ZBTB47: variants seen among roughly 807,000 people sequenced by gnomAD.
The protein encoded by ZBTB47 is zinc finger and BTB domain containing 47.
In ZBTB47, 24 loss-of-function variants were observed where a neutral mutation model predicts 56.6. The observed-to-expected ratio is 0.42, with a 90% CI of 0.31 to 0.60. The LOEUF (loss-of-function observed/expected upper bound fraction) is 0.60. Ranked by LOEUF, ZBTB47 falls within the 20% of genes least tolerant of loss-of-function variation. The probability of loss-of-function intolerance (pLI) is 0.14; values close to 1 mark genes in which losing one functional copy is unlikely to be tolerated. For synonymous variants in ZBTB47, 414 were observed against 418.9 expected, an observed-to-expected ratio of 0.99 and a Z score of 0.14; for missense variants, 829 against 1,032.6, an observed-to-expected ratio of 0.80 and a Z score of 2.70.
intron 5 of ZBTB47, 114 bp from the exon 6 acceptor site, chr3:42,664,123 T>G (rs1710754129): frequency 6.7e-7 from 1 of 1,493,084 alleles, no homozygotes; most frequent in Admixed American, 2.2e-5. Context: ...TCGGGGAGGA[T>G]CTGAGAGCGC....
At position 42,658,129 on chromosome 3, in the gene ZBTB47, G is replaced by T. The variant is rs553906227; in HGVS notation, c.-81-146G>T. Reference sequence around the variant, plus strand: ...TCACTCAGGCTTGAATCCCTTCCTTGCTAGTTTCGGCTCTGTTGCTGTAAA... The same window carrying T: ...TCACTCAGGCTTGAATCCCTTCCTTTCTAGTTTCGGCTCTGTTGCTGTAAA... On this transcript the variant is annotated intron_variant, in intron 1 of 5. Transcript: ENST00000232974. 72 of 848,348 alleles carry T rather than the reference G, an allele frequency of 8.5e-5. No individual in the cohort carries two copies. In the African/African-American group the frequency reaches 1.2e-3, roughly 15 times the overall value. 52.6% of individuals were successfully genotyped at this position (848,348 alleles called of 1,614,324 possible).
chr3:42,664,328 G>A lies in ZBTB47; in HGVS notation c.1974G>A (p.Lys658=). 2 of 1,613,256 alleles carry A rather than the reference G, an allele frequency of 1.2e-6. No homozygotes were observed. Among genetic ancestry groups the A allele is most frequent in the Non-Finnish European group, 1.7e-6 (2 of 1,179,738 alleles). ...KRHRRTHTGE[K]PYPCDVCGQR... ...ACCGGCGCACGCACACGGGCGAGAAGCCGTACCCGTGCGACGTGTGTGGCC... is the reference window on the plus strand; with the variant it reads ...ACCGGCGCACGCACACGGGCGAGAAACCGTACCCGTGCGACGTGTGTGGCC... The change falls in exon 6 of 6, where the codon AAG becomes AAA. Residue 658 remains lysine (K), a synonymous_variant. Transcript: ENST00000232974.
chr3:42,660,793 C>T (rs563755541), intron 2 of ZBTB47, among the ~76,000 whole-genome samples: 7 of 152,308 alleles, frequency 4.6e-5, no homozygotes, highest in African/African-American at 1.7e-4. Flanking sequence ...CTGAGTCTCC[C>T]TCCTGAAGGA....
Position 42,659,213 on chromosome 3 carries a change from G to A in ZBTB47, c.858G>A (p.Glu286=). ...AGGAGGAGGAGGACGACGAGGAGGA[G>A]GAGGAGGAAGAAGAGGAAGAGGAAG... is the stretch of plus-strand genomic sequence containing the variant. ...SDEEEEDDEE[E]EEEEEEEEGG... Residue 286 remains glutamate (E), a synonymous_variant, in exon 2 of 6, where the codon GAG becomes GAA. Transcript: ENST00000232974. 1 of 1,528,848 alleles carries A rather than the reference G, an allele frequency of 6.5e-7. No individual in the cohort carries two copies. The highest frequency in any genetic ancestry group is 8.7e-7 in the Non-Finnish European group (1 of 1,142,884). 94.7% of individuals were successfully genotyped at this position (1,528,848 alleles called of 1,614,324 possible).
chr3:42,659,198 G>C lies in ZBTB47; in HGVS notation c.843G>C (p.Glu281Asp), dbSNP rs541332438. Residue 281 changes from glutamate to aspartate, a missense_variant, in exon 2 of 6, where the codon GAG (glutamate) becomes GAC (aspartate). Physicochemically the swap from Glu to Asp is conservative, Grantham distance 45. Coordinates refer to ENST00000232974, the MANE Select transcript of ZBTB47 (RefSeq NM_145166.4). ...GLQRHSDEEE[E>D]DDEEEEEEEE... is the part of the protein sequence containing the mutation. Reference sequence around the variant, plus strand: ...AGAGACACTCGGACGAGGAGGAGGAGGACGACGAGGAGGAGGAGGAGGAAG... The same window carrying C: ...AGAGACACTCGGACGAGGAGGAGGACGACGACGAGGAGGAGGAGGAGGAAG... 7 of 1,524,532 alleles carry C rather than the reference G, an allele frequency of 4.6e-6. No homozygotes were observed. Among genetic ancestry groups the C allele is most frequent in the Middle Eastern group, 1.7e-4 (1 of 5,754 alleles). The allele number at this position is 1,524,532 out of a possible 1,614,324, so 94.4% of individuals were successfully genotyped here.
rs11458566 is a variant in ZBTB47 at position 42,664,843 on chromosome 3, C to CTTTT, written c.*256_*259dup. The CTTTT allele has an allele frequency of 2.2e-4, 65 of 299,986 alleles. No homozygotes were observed. The highest frequency in any genetic ancestry group is 1.2e-3 in the East Asian group (23 of 19,492). The allele number at this position is 299,986 out of a possible 1,614,324, so 18.6% of individuals were successfully genotyped here. On this transcript the variant is annotated 3_prime_UTR_variant, in exon 6 of 6. Coordinates refer to ENST00000232974, the MANE Select transcript of ZBTB47 (RefSeq NM_145166.4). ...TTTCTGTGACTCCTTGAAGCCTTTA[C>CTTTT]TTTTTTTTTTTTTTGGAAGTGAAGG... is the stretch of plus-strand genomic sequence containing the variant.
Position 42,659,328 on chromosome 3 carries a change from C to CAGGAAG in ZBTB47, c.984_989dup (p.Glu334_Glu335dup). 6.9e-7 allele frequency: 1 copy of CAGGAAG among 1,456,830 alleles called. No homozygotes were observed. The highest frequency in any genetic ancestry group is 9.2e-7 in the Non-Finnish European group (1 of 1,085,438). 90.2% of individuals were successfully genotyped at this position (1,456,830 alleles called of 1,614,324 possible). ...AGAGGAGGAGGACGGGCACAGTGAG[C>CAGGAAG]AGGAAGAGGAAGAGGAGGAGGAAGA... is the stretch of plus-strand genomic sequence containing the variant. On this transcript the variant is annotated inframe_insertion, in exon 2 of 6. Transcript: ENST00000232974.
At position 42,663,065 on chromosome 3, in the gene ZBTB47, C is replaced by A. The variant is rs1245487075; in HGVS notation, c.1675C>A (p.Arg559Ser). ...TCETCGKSFK[R>S]SMSLKVHSLQ... ...CGAGACCTGCGGAAAGTCCTTCAAG[C>A]GCAGCATGTCCCTCAAGGTGCACTC... Residue 559 changes from arginine (R) to serine (S), a missense_variant, in exon 4 of 6, where the codon CGC becomes AGC. This residue lies in a region of ZBTB47 where 187 missense variants were observed against 253.1 expected (regional missense o/e 0.74). Coordinates refer to ENST00000232974, the MANE Select transcript of ZBTB47 (RefSeq NM_145166.4). This position sits in a 1 kb window ranked among gnomAD's most constrained non-coding sequence, Gnocchi z 5.1. The A allele has an allele frequency of 6.2e-7, 1 of 1,613,912 alleles. No individual in the cohort carries two copies. Among genetic ancestry groups the A allele is most frequent in the Non-Finnish European group, 8.5e-7 (1 of 1,179,800 alleles).
Position 42,663,719 on chromosome 3 carries a change from C to G in ZBTB47, c.1738-78C>G. 1 of 1,561,054 alleles carries G rather than the reference C, an allele frequency of 6.4e-7. No homozygotes were observed. The highest frequency in any genetic ancestry group is 2.3e-5 in the East Asian group (1 of 43,730). ...AGTGTGTCCCTCCTTGGCCCTGTGG[C>G]CACAGGGGAGCTGTTCCCTCCACAA... On this transcript the variant is annotated intron_variant, in intron 4 of 5. Transcript: ENST00000232974. The surrounding 1 kb of genome is among the most constrained non-coding windows in gnomAD (Gnocchi z 5.1).
At position 42,666,677 on chromosome 3, in the gene ZBTB47, G is replaced by A. The variant is rs563021383; in HGVS notation, c.*2079G>A. Among the ~76,000 whole-genome samples, 1 of 152,340 alleles carries A rather than the reference G, an allele frequency of 6.6e-6. No homozygotes were observed. Among genetic ancestry groups the A allele is most frequent in the Non-Finnish European group, 1.5e-5 (1 of 68,044 alleles). On this transcript the variant is annotated 3_prime_UTR_variant, in exon 6 of 6. Coordinates refer to ENST00000232974, the MANE Select transcript of ZBTB47 (RefSeq NM_145166.4). The stretch of plus-strand genomic sequence containing the variant: ...GCCCCACTACAGCCTGAGTAGGCCT[G>A]AGTGGCCGTGGCCAGGCTGAGACCT...
chr3:42,662,395 G>C (rs931991119), intron 3 of ZBTB47, among the ~76,000 whole-genome samples: 18 of 152,216 alleles, frequency 1.2e-4, no homozygotes, highest in Non-Finnish European at 2.9e-5. Context: ...AGCATGCTGG[G>C]TAAACCAGGA....
At position 42,654,757 on chromosome 3, in the gene ZBTB47, G is replaced by A; in HGVS notation, c.-82+874G>A. On this transcript the variant is annotated intron_variant, in intron 1 of 5. Transcript: ENST00000232974. This position sits in a 1 kb window ranked among gnomAD's most constrained non-coding sequence, Gnocchi z 5.0. ...CCACCTGCCAGCTCTGACCTCCCAG[G>A]CACACGGCCCGCGGGCCCGGGTGGA... 1.0e-6 allele frequency: 1 copy of A among 981,538 alleles called. No homozygotes were observed. Among genetic ancestry groups the A allele is most frequent in the Non-Finnish European group, 1.2e-6 (1 of 826,602 alleles). The allele number at this position is 981,538 out of a possible 1,614,324, so 60.8% of individuals were successfully genotyped here.
chr3:42,664,219 C>T lies in ZBTB47; in HGVS notation c.1883-18C>T, dbSNP rs1486753631. On this transcript the variant is annotated intron_variant, in intron 5 of 5. Transcript: ENST00000232974. ...GCGACCCCTCACTGACGCCCTGCTGCCCACCCCCAACCCCCAGGAGAGAAG... is the reference window on the plus strand; with the variant it reads ...GCGACCCCTCACTGACGCCCTGCTGTCCACCCCCAACCCCCAGGAGAGAAG... 6.2e-7 allele frequency: 1 copy of T among 1,611,894 alleles called. No homozygotes were observed. Among genetic ancestry groups the T allele is most frequent in the Non-Finnish European group, 8.5e-7 (1 of 1,178,904 alleles).
At position 42,659,601 on chromosome 3, in the gene ZBTB47, C is replaced by G; in HGVS notation, c.1246C>G (p.Arg416Gly). ...CCCTGGAGTGGCCTCTGCATCGGCCCGAGGGCCGCCAGCCACTGATGGGCT... is the reference window on the plus strand; with the variant it reads ...CCCTGGAGTGGCCTCTGCATCGGCCGGAGGGCCGCCAGCCACTGATGGGCT... ...PPPGVASASA[R>G]GPPATDGLGA... Residue 416 changes from arginine (R) to glycine (G), a missense_variant, in exon 2 of 6, where the codon CGA (arginine) becomes GGA (glycine). Arg to Gly is a moderately radical substitution (Grantham distance 125). Transcript: ENST00000232974. The G allele has an allele frequency of 6.3e-7, 1 of 1,597,370 alleles. No individual in the cohort carries two copies. Among genetic ancestry groups the G allele is most frequent in the Non-Finnish European group, 8.5e-7 (1 of 1,172,870 alleles).
chr3:42,664,485 C>T lies in ZBTB47; in HGVS notation c.2131C>T (p.Pro711Ser), dbSNP rs1456180446. ...PPTQPQAHAL[P>S]LLPGLPQTLP... ...AACCCAGCCCCAGGCGCACGCACTGCCCCTGCTCCCGGGGCTGCCCCAGAC... is the reference window on the plus strand; with the variant it reads ...AACCCAGCCCCAGGCGCACGCACTGTCCCTGCTCCCGGGGCTGCCCCAGAC... The change falls in exon 6 of 6, where the codon CCC (proline) becomes TCC (serine). Residue 711 changes from proline (P) to serine (S), a missense_variant. Coordinates refer to ENST00000232974, the MANE Select transcript of ZBTB47 (RefSeq NM_145166.4). The T allele has an allele frequency of 1.3e-6, 2 of 1,504,066 alleles. No homozygotes were observed. Among genetic ancestry groups the T allele is most frequent in the Non-Finnish European group, 1.8e-6 (2 of 1,130,550 alleles). 93.2% of individuals were successfully genotyped at this position (1,504,066 alleles called of 1,614,324 possible).
rs1372530778 is a variant in ZBTB47 at position 42,666,620 on chromosome 3, C to T, written c.*2022C>T. Reference sequence around the variant, plus strand: ...ACCCCCATCACTGGCACCAGGATCTCCCACAGGCACTGGTGGTGTCATCAC... The same window carrying T: ...ACCCCCATCACTGGCACCAGGATCTTCCACAGGCACTGGTGGTGTCATCAC... On this transcript the variant is annotated 3_prime_UTR_variant, in exon 6 of 6. Coordinates refer to ENST00000232974, the MANE Select transcript of ZBTB47 (RefSeq NM_145166.4). Among the ~76,000 whole-genome samples the T allele has an allele frequency of 3.3e-5, 5 of 152,214 alleles. No homozygotes were observed. Among genetic ancestry groups the T allele is most frequent in the African/African-American group, 9.7e-5 (4 of 41,450 alleles).
At position 42,654,554 on chromosome 3, in the gene ZBTB47, C is replaced by A; in HGVS notation, c.-82+671C>A. ...CGGCCCTGCGCCTCCGCCTGCCTGG[C>A]CGCGCCCCCGGGGGCCATGGTCGCG... On this transcript the variant is annotated intron_variant, in intron 1 of 5. Transcript: ENST00000232974. The surrounding 1 kb of genome is among the most constrained non-coding windows in gnomAD (Gnocchi z 5.0). 1 of 385,148 alleles carries A rather than the reference C, an allele frequency of 2.6e-6. No homozygotes were observed. The highest frequency in any genetic ancestry group is 3.5e-6 in the Non-Finnish European group (1 of 283,064). 23.9% of individuals were successfully genotyped at this position (385,148 alleles called of 1,614,324 possible).
At position 42,664,512 on chromosome 3, in the gene ZBTB47, C is replaced by CT; in HGVS notation, c.2159dup (p.Pro721AlafsTer107). 12 of 1,430,840 alleles carry CT rather than the reference C, an allele frequency of 8.4e-6. No individual in the cohort carries two copies. The highest frequency in any genetic ancestry group is 1.1e-5 in the Non-Finnish European group (12 of 1,098,880). The allele number at this position is 1,430,840 out of a possible 1,614,324, so 88.6% of individuals were successfully genotyped here. On this transcript the variant is annotated frameshift_variant, in exon 6 of 6. Coordinates refer to ENST00000232974, the MANE Select transcript of ZBTB47 (RefSeq NM_145166.4). LOFTEE classifies it low-confidence loss of function (END_TRUNC). ...CCTGCTCCCGGGGCTGCCCCAGACC[C>CT]TGCCGCCCCCGCCCCACCTGCCGCC...
intron 2 of ZBTB47, among the ~76,000 whole-genome samples, chr3:42,660,098 G>C (rs886801392): frequency 2.0e-5 from 3 of 152,254 alleles, no homozygotes; most frequent in Non-Finnish European, 2.9e-5. Flanking sequence ...CCCTTGGCCA[G>C]AGGGACAAAG....
Sources: gnomAD v4.1 joint callset for allele counts (sites outside exome capture counted in the v4.1 genomes callset) on GRCh38, gnomAD v4.1.1 for gene constraint, gnomAD v4.1.1 regional missense constraint, Gnocchi (gnomAD v3.1) non-coding constraint, MANE v1.5 for transcripts, NCBI Gene and HGNC (gene_info 2026-07-23, HGNC 2026-07-21) for gene names.